Variants in CPB1 observed in about 807,000 individuals in gnomAD.
The protein encoded by CPB1 is carboxypeptidase B.
In CPB1, 53 loss-of-function variants were observed where a neutral mutation model predicts 51.4. The ratio of observed to expected loss-of-function variants is 1.03; its 90% CI spans 0.83 to 1.30. The LOEUF (loss-of-function observed/expected upper bound fraction) is 1.30, where lower values mean the gene tolerates loss of function less well. Ranked by LOEUF, CPB1 falls within the 50% of genes most tolerant of loss-of-function variation. The pLI is 0.00. For synonymous variants in CPB1, 189 were observed against 186.9 expected (o/e 1.01, Z -0.09); for missense variants, 494 against 516.2 (o/e 0.96, Z 0.42).
intron 10 of CPB1, among the ~76,000 whole-genome samples, chr3:148,859,129 C>A (rs3772587): frequency 6.6e-6 from 1 of 151,964 alleles, no homozygotes; most frequent in South Asian, 2.1e-4. Flanking sequence ...TTCCATTACA[C>A]TGTAAGACTT....
intron 9 of CPB1, among the ~76,000 whole-genome samples, chr3:148,846,631 CCA>C (rs1403296783): frequency 1.3e-5 from 2 of 149,350 alleles, no homozygotes; most frequent in Non-Finnish European, 3.0e-5. Flanking sequence ...GAAAAATAAC[CCA>C]GTCTCCTAGA....
chr3:148,828,054 C>A lies in CPB1; in HGVS notation c.124C>A (p.Arg42Ser). Residue 42 changes from arginine (R) to serine (S), a missense_variant, in exon 2 of 11, where the codon CGC becomes AGC. By Grantham distance (110) the Arg-to-Ser change is moderately radical. Coordinates refer to ENST00000282957, the MANE Select transcript of CPB1 (RefSeq NM_001871.3). Reference protein sequence around the residue: ...VEDENHINIIRELASTTQIDF... With the variant: ...VEDENHINIISELASTTQIDF... ...AGATGAAAATCACATTAACATAATCCGCGAGTTGGCCAGCACGACCCAGGT... is the reference window on the plus strand; with the variant it reads ...AGATGAAAATCACATTAACATAATCAGCGAGTTGGCCAGCACGACCCAGGT... 2 of 1,613,748 alleles carry A rather than the reference C, an allele frequency of 1.2e-6. No homozygotes were observed. The highest frequency in any genetic ancestry group is 2.2e-5 in the East Asian group (1 of 44,866).
rs1713178367 is a variant in CPB1, at chr3:148,844,601, A to C, written c.687+13A>C. The stretch of plus-strand genomic sequence containing the variant: ...CACCTGGACCAAGGTATATGCACCA[A>C]TACTGAGAGAGGCTGATGAAATTAA... On this transcript the variant is annotated intron_variant, in intron 7 of 10. Coordinates refer to ENST00000282957, the MANE Select transcript of CPB1 (RefSeq NM_001871.3). 3.1e-6 allele frequency: 5 copies of C among 1,611,708 alleles called. No individual in the cohort carries two copies. The highest frequency in any genetic ancestry group is 4.2e-6 in the Non-Finnish European group (5 of 1,177,988).
At chr3:148,846,799 A>G (rs12498067) in intron 9 of CPB1, among the ~76,000 whole-genome samples, 14,113 of 27,346 alleles carry the variant, frequency 0.52, 2,095 homozygotes, top group Middle Eastern at 0.63. Flanking sequence ...GTGCGTGTGT[A>G]TATATATATA....
intron 3 of CPB1, chr3:148,838,476 G>T (rs1445474193): frequency 6.6e-6 from 1 of 151,836 alleles, no homozygotes; most frequent in African/African-American, 2.4e-5. Context: ...GTTTCTGTCG[G>T]TTGATTTTTT....
intron 2 of CPB1, among the ~76,000 whole-genome samples, chr3:148,833,861 T>C (rs1302526113): frequency 6.6e-6 from 1 of 152,128 alleles, no homozygotes; most frequent in Non-Finnish European, 1.5e-5. Flanking sequence ...GCCTAGCATA[T>C]CGTAGGTTCT....
chr3:148,848,182 A>G lies in CPB1; in HGVS notation c.981+2556A>G, dbSNP rs144756642. Among the ~76,000 whole-genome samples, 66 of 152,314 alleles carry G rather than the reference A, an allele frequency of 4.3e-4. 1 individual carries two copies. The highest frequency in any genetic ancestry group is 8.7e-4 in the Non-Finnish European group (59 of 67,992). The stretch of plus-strand genomic sequence containing the variant: ...CTCATTAACTATAGTGCAATTACAA[A>G]TATATGTATAGACAAAAAAGAATAT... On this transcript the variant is annotated intron_variant, in intron 9 of 10. Transcript: ENST00000282957.
chr3:148,834,653 C>A (rs956901973), intron 3 of CPB1, 31 bp downstream of exon 3: 4 of 1,583,802 alleles, frequency 2.5e-6, no homozygotes, highest in East Asian at 4.5e-5. Context: ...TATTAAAATT[C>A]TCTCCCATGC....
Position 148,834,497 on chromosome 3 carries a change from G to C in CPB1, c.148-1G>C. 2 of 1,613,172 alleles carry C rather than the reference G, an allele frequency of 1.2e-6. No individual in the cohort carries two copies. Among genetic ancestry groups the C allele is most frequent in the Admixed American group, 3.3e-5 (2 of 59,994 alleles). ...TCCAATATATCTTGTCCTTTATTCA[G>C]ATTGACTTCTGGAAGCCAGATTCTG... On this transcript the variant is annotated splice_acceptor_variant, in intron 2 of 10. Coordinates refer to ENST00000282957, the MANE Select transcript of CPB1 (RefSeq NM_001871.3). LOFTEE classifies it high-confidence loss of function.
At chr3:148,833,363 A>G (rs1430432716) in intron 2 of CPB1, among the ~76,000 whole-genome samples, 34 of 152,084 alleles carry the variant, frequency 2.2e-4, no homozygotes, top group Non-Finnish European at 1.8e-4. Flanking sequence ...CAGTGGTTTG[A>G]AGCTTACCAG....
rs1576569554 is a variant in CPB1, at chr3:148,840,930, T to A, written c.429T>A (p.Ser143Arg). ...ATENPALISR[S>R]VIGTTFEGRA... ...AGAATCCAGCCCTCATCTCTCGCAG[T>A]GTTATCGGAACCACATTTGAGGGAC... The change falls in exon 5 of 11, where the codon AGT becomes AGA. Residue 143 changes from serine to arginine, a missense_variant. Ser to Arg is a moderately radical substitution (Grantham distance 110). Coordinates refer to ENST00000282957, the MANE Select transcript of CPB1 (RefSeq NM_001871.3). 1 of 1,614,122 alleles carries A rather than the reference T, an allele frequency of 6.2e-7. No individual in the cohort carries two copies. The highest frequency in any genetic ancestry group is 2.2e-5 in the East Asian group (1 of 44,868).
chr3:148,843,584 T>C (rs1713152177), intron 6 of CPB1, among the ~76,000 whole-genome samples: 1 of 152,032 alleles, frequency 6.6e-6, no homozygotes, highest in South Asian at 2.1e-4. Context: ...CATGATTGCA[T>C]AGCTCCTCCA....
intron 9 of CPB1, among the ~76,000 whole-genome samples, chr3:148,853,020 G>A (rs1264601561): frequency 6.6e-6 from 1 of 152,124 alleles, no homozygotes; most frequent in Admixed American, 6.5e-5. Context: ...TAAAAGTTAA[G>A]TTTCTTATTG....
At chr3:148,831,070 C>G (rs1327918944) in intron 2 of CPB1, among the ~76,000 whole-genome samples, 2 of 152,136 alleles carry the variant, frequency 1.3e-5, no homozygotes, top group African/African-American at 4.8e-5. Context: ...ATATATTGGG[C>G]AGATCCGTGA....
chr3:148,858,486 C>A (rs6772261), intron 10 of CPB1, among the ~76,000 whole-genome samples: 18,794 of 151,794 alleles, frequency 0.12, 2,650 homozygotes, highest in African/African-American at 0.35. Flanking sequence ...GCAGGAGAAT[C>A]GTTTGAACCT....
chr3:148,845,646 G>T lies in CPB1; in HGVS notation c.981+20G>T, dbSNP rs745659583. The T allele has an allele frequency of 1.3e-6, 2 of 1,571,644 alleles. No homozygotes were observed. The highest frequency in any genetic ancestry group is 1.7e-6 in the Non-Finnish European group (2 of 1,143,576). On this transcript the variant is annotated intron_variant, in intron 9 of 10. Transcript: ENST00000282957. ...GAGTTGGTAAGTAGCAAAGTAGTAG[G>T]TATGACATTTTACTATTGAGATTTT...
chr3:148,844,583 A>G lies in CPB1; in HGVS notation c.682A>G (p.Thr228Ala). Residue 228 changes from threonine to alanine, a missense_variant, in exon 7 of 11, where the codon ACC becomes GCC. By Grantham distance (58) the Thr-to-Ala change is moderately conservative (BLOSUM62 0). Transcript: ENST00000282957. ...TATTGATGGCTACATCTACACCTGG[A>G]CCAAGGTATATGCACCAATACTGAG... ...LNIDGYIYTW[T>A]KSRFWRKTRS... is the part of the protein sequence containing the mutation. The G allele has an allele frequency of 6.2e-7, 1 of 1,613,406 alleles. No homozygotes were observed. The highest frequency in any genetic ancestry group is 8.5e-7 in the Non-Finnish European group (1 of 1,179,380).
At chr3:148,841,347 C>T (rs543233173) in intron 5 of CPB1, among the ~76,000 whole-genome samples, 29 of 152,284 alleles carry the variant, frequency 1.9e-4, no homozygotes, top group African/African-American at 7.0e-4. Flanking sequence ...CAAAGCACAT[C>T]AACAATTTGT....
chr3:148,846,792 CGT>C (rs1245684317), intron 9 of CPB1, among the ~76,000 whole-genome samples: 1 of 68,560 alleles, frequency 1.5e-5, no homozygotes, highest in East Asian at 5.1e-4. Flanking sequence ...TGTGTGTGTG[CGT>C]GTGTATATAT....
Sources: gnomAD v4.1 joint callset for allele counts (sites outside exome capture counted in the v4.1 genomes callset) on GRCh38, gnomAD v4.1.1 for gene constraint, MANE v1.5 for transcripts, NCBI Gene and HGNC (gene_info 2026-07-23, HGNC 2026-07-21) for gene names.